LEPR: variants seen among roughly 807,000 people sequenced by gnomAD.
LEPR encodes leptin receptor.
LEPR carries 56 observed loss-of-function variants against 114.7 expected under a neutral mutation model. That is an observed-to-expected ratio of 0.49 (90% CI 0.39 to 0.61). The LOEUF is 0.61. Among genes scored for constraint, LEPR ranks in the 20% least tolerant of loss-of-function variants. The probability of loss-of-function intolerance (pLI) is 0.00; values close to 1 mark genes in which losing one functional copy is unlikely to be tolerated. For missense variants in LEPR, 1,202 were observed against 1,352.9 expected (o/e 0.89, Z 1.75); for synonymous variants, 443 against 461.4 (o/e 0.96, Z 0.51).
intron 2 of LEPR, among the ~76,000 whole-genome samples, chr1:65,426,303 T>C (rs932201927): frequency 7.2e-6 from 1 of 139,020 alleles, no homozygotes; most frequent in African/African-American, 3.3e-5. Flanking sequence ...TAAATTGTAG[T>C]GGAGTGGCAA....
intron 14 of LEPR, among the ~76,000 whole-genome samples, chr1:65,611,299 C>T (rs1657148672): frequency 6.6e-6 from 1 of 152,178 alleles, no homozygotes; most frequent in Non-Finnish European, 1.5e-5. Context: ...CTGAACACTT[C>T]ATACAGATCT....
intron 2 of LEPR, among the ~76,000 whole-genome samples, chr1:65,518,911 TTCTTTC>T (rs1446293926): frequency 0.046 from 3,903 of 85,286 alleles, 76 homozygotes; most frequent in Non-Finnish European, 0.074. Context: ...CTTTCTTTCT[TTCTTTC>T]TCTCTTTCTC....
At chr1:65,497,901 A>G (rs1385379355) in intron 2 of LEPR, among the ~76,000 whole-genome samples, 2 of 152,176 alleles carry the variant, frequency 1.3e-5, no homozygotes, top group East Asian at 1.9e-4. Context: ...CTTAGCAATC[A>G]TATGTTCTTA....
intron 2 of LEPR, chr1:65,432,099 A>C: frequency 7.7e-7 from 1 of 1,301,838 alleles, no homozygotes. Context: ...CAGCAAATAG[A>C]CCTGTCAAAT....
Position 65,454,281 on chromosome 1 carries a change from C to A in LEPR, c.-21+28903C>A, listed in dbSNP as rs1038078814. Among the ~76,000 whole-genome samples, 79 of 152,152 alleles carry A rather than the reference C, an allele frequency of 5.2e-4. 2 individuals are homozygous for A. The highest frequency in any genetic ancestry group is 3.4e-3 in the Middle Eastern group (1 of 294). On this transcript the variant is annotated intron_variant, in intron 2 of 19. Coordinates refer to ENST00000349533, the MANE Select transcript of LEPR (RefSeq NM_002303.6). ...TTAATTGGAACGTTTAGTCCATTTA[C>A]ATTTAAAGTTAATATTGTTATGTGT... is the stretch of plus-strand genomic sequence containing the variant.
rs183723149 is a variant in LEPR at position 65,510,049 on chromosome 1, A to G, written c.-20-55497A>G. ...TTTATCTGGTGATGGAAACCACCCTATGGAAAACCTGGGAATGGTCAGCAC... is the reference window on the plus strand; with the variant it reads ...TTTATCTGGTGATGGAAACCACCCTGTGGAAAACCTGGGAATGGTCAGCAC... On this transcript the variant is annotated intron_variant, in intron 2 of 19. Coordinates refer to ENST00000349533, the MANE Select transcript of LEPR (RefSeq NM_002303.6). Among the ~76,000 whole-genome samples the G allele has an allele frequency of 2.4e-3, 368 of 152,322 alleles. 4 individuals are homozygous for G. The highest frequency in any genetic ancestry group is 7.6e-3 in the African/African-American group (315 of 41,586).
At chr1:65,443,518 A>G (rs1242102133) in intron 2 of LEPR, among the ~76,000 whole-genome samples, 3 of 151,346 alleles carry the variant, frequency 2.0e-5, no homozygotes, top group Non-Finnish European at 4.4e-5. Flanking sequence ...AAAAATTTCA[A>G]AAATTTTTTG....
chr1:65,502,252 A>T (rs889036135), intron 2 of LEPR, among the ~76,000 whole-genome samples: 2 of 152,082 alleles, frequency 1.3e-5, no homozygotes, highest in African/African-American at 4.8e-5. Context: ...GGAAATTTGG[A>T]CATACCAAGA....
Position 65,528,715 on chromosome 1 carries a change from CA to C in LEPR, c.-20-36824del, listed in dbSNP as rs1193029445. Among the ~76,000 whole-genome samples, 11 of 152,018 alleles carry C rather than the reference CA, an allele frequency of 7.2e-5. No individual in the cohort carries two copies. The South Asian group carries it at 1.2e-3, about 17-fold the overall frequency. ...CAAATTTCTCATTATTCACCACCCCCAAAAAAAGAACATTGCAAATATCCCA... is the reference window on the plus strand; with the variant it reads ...CAAATTTCTCATTATTCACCACCCCCAAAAAAGAACATTGCAAATATCCCA... On this transcript the variant is annotated intron_variant, in intron 2 of 19. Coordinates refer to ENST00000349533, the MANE Select transcript of LEPR (RefSeq NM_002303.6).
intron 19 of LEPR, chr1:65,623,296 A>G (rs1657996753): frequency 4.8e-6 from 1 of 207,736 alleles, no homozygotes; most frequent in African/African-American, 2.3e-5. Flanking sequence ...ATTTGGATAC[A>G]CTTTTTTTGG....
chr1:65,467,085 A>G (rs374696547), intron 2 of LEPR, among the ~76,000 whole-genome samples: 11 of 152,168 alleles, frequency 7.2e-5, no homozygotes, highest in African/African-American at 2.4e-4. Context: ...GCAAGGAGTT[A>G]TGTTCCTTTG....
At chr1:65,624,391 A>AGTT (rs1658072127) in intron 19 of LEPR, among the ~76,000 whole-genome samples, 1 of 152,160 alleles carries the variant, frequency 6.6e-6, no homozygotes, top group Non-Finnish European at 1.5e-5. Context: ...GTGGTTCGGT[A>AGTT]ACTTGTTTTA....
chr1:65,574,225 ATGTGGGCAGTATAGTGT>A (rs1057339602), intron 5 of LEPR, among the ~76,000 whole-genome samples: 4 of 152,182 alleles, frequency 2.6e-5, no homozygotes, highest in African/African-American at 9.7e-5. Flanking sequence ...ATGAGAAAAT[ATGTGGGCAGTATAGTGT>A]TGGGAAGAGA....
intron 2 of LEPR, among the ~76,000 whole-genome samples, chr1:65,454,690 A>G (rs908031837): frequency 5.3e-5 from 8 of 152,104 alleles, no homozygotes; most frequent in African/African-American, 1.7e-4. Flanking sequence ...GGGTAACCCA[A>G]CCTTTCTCTC....
At chr1:65,550,859 G>T (rs1481889502) in intron 2 of LEPR, among the ~76,000 whole-genome samples, 1 of 152,078 alleles carries the variant, frequency 6.6e-6, no homozygotes, top group Non-Finnish European at 1.5e-5. Context: ...TCCCTAGTGA[G>T]ATGAACCCGG....
rs369212113 is a variant in LEPR at position 65,613,622 on chromosome 1, G to A, written c.1996-2386G>A. Among the ~76,000 whole-genome samples the A allele has an allele frequency of 4.1e-3, 529 of 129,590 alleles. 56 individuals carry two copies. The highest frequency in any genetic ancestry group is 0.014 in the African/African-American group (498 of 36,238). 85.0% of individuals were successfully genotyped at this position (129,590 alleles called of 152,430 possible). ...CAAAAAATTAGCCGGGCGCGGTGGC[G>A]GGCGCCTGTAGTCCCAGCTACTCGG... On this transcript the variant is annotated intron_variant, in intron 14 of 19. Transcript: ENST00000349533.
In LEPR at chr1:65,565,579, A is replaced by C; in HGVS notation, c.14A>C (p.Lys5Thr). The C allele has an allele frequency of 1.9e-6, 3 of 1,613,936 alleles. No individual in the cohort carries two copies. Among genetic ancestry groups the C allele is most frequent in the Non-Finnish European group, 2.5e-6 (3 of 1,179,948 alleles). MICQ[K>T]FCVVLLHWEF... ...CTCTGAAGTAAGATGATTTGTCAAA[A>C]ATTCTGTGTGGTTTTGTTACATTGG... is the stretch of plus-strand genomic sequence containing the variant. Residue 5 changes from lysine (K) to threonine (T), a missense_variant, in exon 3 of 20, where the codon AAA becomes ACA. Physicochemically the swap from Lys to Thr is moderately conservative, Grantham distance 78. Coordinates refer to ENST00000349533, the MANE Select transcript of LEPR (RefSeq NM_002303.6).
intron 2 of LEPR, among the ~76,000 whole-genome samples, chr1:65,443,590 G>A (rs998915515): frequency 6.6e-6 from 1 of 152,002 alleles, no homozygotes; most frequent in African/African-American, 2.4e-5. Context: ...AAGGGATAAA[G>A]TATTAAGCAT....
In LEPR at chr1:65,636,811, A is replaced by T; in HGVS notation, c.3294A>T (p.Ser1098=). 1 of 1,614,050 alleles carries T rather than the reference A, an allele frequency of 6.2e-7. No homozygotes were observed. The part of the protein sequence containing the change: ...RESGVLLTDK[S]RVSCPFPAPC... Reference sequence around the variant, plus strand: ...GTGGTGTGCTTTTGACTGACAAGTCAAGGGTATCGTGCCCATTCCCAGCCC... The same window carrying T: ...GTGGTGTGCTTTTGACTGACAAGTCTAGGGTATCGTGCCCATTCCCAGCCC... Residue 1098 remains serine (S), a synonymous_variant, in exon 20 of 20, where the codon TCA becomes TCT. Transcript: ENST00000349533.
Sources: gnomAD v4.1 joint callset for allele counts (sites outside exome capture counted in the v4.1 genomes callset) on GRCh38, gnomAD v4.1.1 for gene constraint, MANE v1.5 for transcripts, NCBI Gene and HGNC (gene_info 2026-07-23, HGNC 2026-07-21) for gene names.